MYO1F: variants seen among roughly 807,000 people sequenced by gnomAD.
The protein encoded by MYO1F is unconventional myosin-If.
In MYO1F, 60 loss-of-function variants were observed where a neutral mutation model predicts 146.6. That is an observed-to-expected ratio of 0.41 (90% confidence interval 0.33 to 0.51). The LOEUF is 0.51. Among genes scored for constraint, MYO1F ranks in the 20% least tolerant of loss-of-function variants. MYO1F has a pLI of 0.25. For synonymous variants in MYO1F, 602 were observed against 602.1 expected (o/e 1.00, Z 0.00); for missense variants, 1,274 against 1,534.3 (o/e 0.83, Z 2.83).
At position 8,553,247 on chromosome 19, in the gene MYO1F, G is replaced by T. The variant is rs765188354; in HGVS notation, c.415-19C>A. The stretch of plus-strand genomic sequence containing the variant: ...TGACGTGCTGGGGCAGAGGCAGGTG[G>T]AGTGGGAAGAAGTCAGACTGAGGCA... On this transcript the variant is annotated intron_variant, in intron 5 of 27. Coordinates refer to ENST00000644032, the MANE Select transcript of MYO1F (RefSeq NM_012335.4). The T allele has an allele frequency of 6.2e-7, 1 of 1,613,894 alleles. No individual in the cohort carries two copies.
intron 1 of MYO1F, among the ~76,000 whole-genome samples, chr19:8,557,652 C>T (rs1568365320): frequency 6.6e-6 from 1 of 152,118 alleles, no homozygotes; most frequent in Non-Finnish European, 1.5e-5. Context: ...CCACCTAGTA[C>T]CCCTCACTTC....
intron 14 of MYO1F, among the ~76,000 whole-genome samples, chr19:8,543,652 T>G: frequency 7.0e-6 from 1 of 142,064 alleles, no homozygotes; most frequent in African/African-American, 2.7e-5. Flanking sequence ...GTGGTGGTGG[T>G]GCTGGTGGTG....
At position 8,530,200 on chromosome 19, in the gene MYO1F, A is replaced by T. The variant is rs1158656532; in HGVS notation, c.2324T>A (p.Phe775Tyr). ...GCCCACCCACTAGTGCCTCACCTTGAAGCGGCGGTCGTACTTGGTGACCGA... is the reference window on the plus strand; with the variant it reads ...GCCCACCCACTAGTGCCTCACCTTGTAGCGGCGGTCGTACTTGGTGACCGA... ...ADSVTKYDRR[F>Y]KPIKRDLILT... Residue 775 changes from phenylalanine to tyrosine, a missense_variant, in exon 21 of 28, where the codon TTC (phenylalanine) becomes TAC (tyrosine). Physicochemically the swap from Phe to Tyr is conservative, Grantham distance 22 (BLOSUM62 3). Transcript: ENST00000644032. This position sits in a 1 kb window ranked among gnomAD's most constrained non-coding sequence, Gnocchi z 5.8. 1 of 1,613,898 alleles carries T rather than the reference A, an allele frequency of 6.2e-7. No individual in the cohort carries two copies. The highest frequency in any genetic ancestry group is 8.5e-7 in the Non-Finnish European group (1 of 1,179,992).
chr19:8,541,286 A>C (rs1972951556), intron 15 of MYO1F, among the ~76,000 whole-genome samples: 1 of 149,492 alleles, frequency 6.7e-6, no homozygotes, highest in African/African-American at 2.5e-5. Flanking sequence ...CCTTCTGGCT[A>C]GGGAGATTCT....
At chr19:8,558,755 G>C (rs772286145) in intron 1 of MYO1F, among the ~76,000 whole-genome samples, 1 of 152,106 alleles carries the variant, frequency 6.6e-6, no homozygotes, top group Admixed American at 6.6e-5. Flanking sequence ...CAGGCCAGGA[G>C]CTCCTGGAGA....
In MYO1F at chr19:8,550,319, G is replaced by A. The variant is rs187824097; in HGVS notation, c.942C>T (p.Ser314=). The A allele has an allele frequency of 7.7e-5, 125 of 1,613,568 alleles. No homozygotes were observed. The East Asian group carries it at 1.5e-3, about 20-fold the overall frequency. ...TGGTCAGCTTCTCCTGCAGTCGCCC[G>A]CTGTCAATGCCCAGCAGGTAGGCGG... is the stretch of plus-strand genomic sequence containing the variant. ...AFPAYLLGID[S]GRLQEKLTSR... is the part of the protein sequence containing the mutation. The change falls in exon 10 of 28, where the codon AGC becomes AGT. Residue 314 remains serine (S), a synonymous_variant. Transcript: ENST00000644032.
At position 8,544,392 on chromosome 19, in the gene MYO1F, G is replaced by A; in HGVS notation, c.1429C>T (p.Gln477Ter). 2 of 1,613,110 alleles carry A rather than the reference G, an allele frequency of 1.2e-6. No homozygotes were observed. Among genetic ancestry groups the A allele is most frequent in the Non-Finnish European group, 1.7e-6 (2 of 1,179,876 alleles). Reference sequence around the variant, plus strand: ...GCCTGCAGCTTCTGCAGCAGTGTCTGGTCTGCTCCCCCGCCCGTGGCGTGC... The same window carrying A: ...GCCTGCAGCTTCTGCAGCAGTGTCTAGTCTGCTCCCCCGCCCGTGGCGTGC... The part of the protein sequence containing the change: ...TMHATGGGAD[Q>*]TLLQKLQAAV... The change falls in exon 14 of 28, where the codon CAG becomes TAG. Residue 477 changes from glutamine (Q) to a stop codon, truncating the protein, a stop_gained. Coordinates refer to ENST00000644032, the MANE Select transcript of MYO1F (RefSeq NM_012335.4). LOFTEE classifies it high-confidence loss of function.
intron 16 of MYO1F, among the ~76,000 whole-genome samples, chr19:8,538,546 T>A (rs1568343288): frequency 6.6e-6 from 1 of 151,554 alleles, no homozygotes; most frequent in Non-Finnish European, 1.5e-5. Context: ...CCTCTGAAAG[T>A]GCTGGGATTA....
Position 8,539,953 on chromosome 19 carries a change from C to A in MYO1F, c.1686G>T (p.Lys562Asn), listed in dbSNP as rs898202144. ...KKGRPSTAGS[K>N]IKKQANDLVA... ...TTGTACACCCCAGGCCCACCTTGATCTTGGAGCCGGCGGTGCTGGGGCGCC... is the reference window on the plus strand; with the variant it reads ...TTGTACACCCCAGGCCCACCTTGATATTGGAGCCGGCGGTGCTGGGGCGCC... Residue 562 changes from lysine (K) to asparagine (N), a missense_variant, in exon 16 of 28, where the codon AAG becomes AAT. Physicochemically the swap from Lys to Asn is moderately conservative, Grantham distance 94. Coordinates refer to ENST00000644032, the MANE Select transcript of MYO1F (RefSeq NM_012335.4). 6.2e-7 allele frequency: 1 copy of A among 1,612,664 alleles called. No homozygotes were observed. Among genetic ancestry groups the A allele is most frequent in the Admixed American group, 1.7e-5 (1 of 59,936 alleles).
rs1324249849 is a variant in MYO1F at position 8,536,524 on chromosome 19, G to A, written c.1873C>T (p.Arg625Cys). Residue 625 changes from arginine (R) to cysteine (C), a missense_variant, in exon 18 of 28, where the codon CGC (arginine) becomes TGC (cysteine). Arg to Cys is a radical substitution (Grantham distance 180). This residue lies in a region of MYO1F where 900 missense variants were observed against 1,155.1 expected (regional missense o/e 0.78). Coordinates refer to ENST00000644032, the MANE Select transcript of MYO1F (RefSeq NM_012335.4). ...CTCTGCAGGAATTTGGCGAACTGGC[G>A]GCGGTAGGCGAAGCCGGCTCTGCGC... is the stretch of plus-strand genomic sequence containing the variant. ...RVRRAGFAYRRQFAKFLQRYA... is the reference protein window; with the variant it reads ...RVRRAGFAYRCQFAKFLQRYA... 3.1e-6 allele frequency: 5 copies of A among 1,613,066 alleles called. No homozygotes were observed. Among genetic ancestry groups the A allele is most frequent in the African/African-American group, 2.7e-5 (2 of 74,624 alleles).
chr19:8,551,055 T>C (rs973465381), intron 8 of MYO1F, among the ~76,000 whole-genome samples: 8 of 136,720 alleles, frequency 5.9e-5, no homozygotes, highest in Non-Finnish European at 1.2e-4. Flanking sequence ...TGGGCTTTGG[T>C]TTCCTATTTT....
intron 25 of MYO1F, among the ~76,000 whole-genome samples, chr19:8,523,649 C>G (rs1477937628): frequency 6.6e-6 from 1 of 152,062 alleles, no homozygotes; most frequent in Non-Finnish European, 1.5e-5. Context: ...CTGTACTTGG[C>G]CTTATTTATT....
intron 19 of MYO1F, among the ~76,000 whole-genome samples, chr19:8,534,470 G>A (rs1370366866): frequency 6.6e-6 from 1 of 151,354 alleles, no homozygotes; most frequent in African/African-American, 2.4e-5. Flanking sequence ...ACCATGCCCG[G>A]CTTATTTTGT....
In MYO1F at chr19:8,544,351, G is replaced by T. The variant is rs756591265; in HGVS notation, c.1470C>A (p.His490Gln). The T allele has an allele frequency of 6.2e-7, 1 of 1,613,134 alleles. No individual in the cohort carries two copies. Among genetic ancestry groups the T allele is most frequent in the South Asian group, 1.1e-5 (1 of 91,082 alleles). Residue 490 changes from histidine to glutamine, a missense_variant, in exon 14 of 28, where the codon CAC becomes CAA. His to Gln is a conservative substitution (Grantham distance 24). Coordinates refer to ENST00000644032, the MANE Select transcript of MYO1F (RefSeq NM_012335.4). The part of the protein sequence containing the change: ...LQKLQAAVGT[H>Q]EHFNSWSAGF... ...CGGCGCTCCAGCTGTTGAAATGCTC[G>T]TGGGTCCCCACAGCCGCCTGCAGCT...
rs200159025 is a variant in MYO1F at position 8,522,772 on chromosome 19, A to T, written c.2912T>A (p.Ile971Asn). 1.9e-6 allele frequency: 3 copies of T among 1,607,714 alleles called. No individual in the cohort carries two copies. Among genetic ancestry groups the T allele is most frequent in the Admixed American group, 3.4e-5 (2 of 59,492 alleles). The change falls in exon 26 of 28, where the codon ATC (isoleucine) becomes AAC (asparagine). Residue 971 changes from isoleucine (I) to asparagine (N), a missense_variant. Physicochemically the swap from Ile to Asn is moderately radical, Grantham distance 149. Coordinates refer to ENST00000644032, the MANE Select transcript of MYO1F (RefSeq NM_012335.4). ...CCTGTGGGTGCCCCCTCCAGACATGATCTCCAGGGGCAGGGGGCCCCCTCT... is the reference window on the plus strand; with the variant it reads ...CCTGTGGGTGCCCCCTCCAGACATGTTCTCCAGGGGCAGGGGGCCCCCTCT... ...SARGGPLPLE[I>N]MSGGGTHRPP...
intron 1 of MYO1F, among the ~76,000 whole-genome samples, chr19:8,565,410 C>T (rs998778999): frequency 3.3e-5 from 5 of 151,824 alleles, no homozygotes; most frequent in Admixed American, 2.6e-4. Context: ...GGTGTGGTGG[C>T]GAGCGCCTGT....
intron 1 of MYO1F, among the ~76,000 whole-genome samples, chr19:8,558,763 A>G (rs1402677048): frequency 1.3e-5 from 2 of 152,096 alleles, no homozygotes; most frequent in Non-Finnish European, 2.9e-5. Context: ...GAGCTCCTGG[A>G]GACAGAGACT....
intron 27 of MYO1F, among the ~76,000 whole-genome samples, 191 bp downstream of exon 27, chr19:8,522,186 C>G (rs1599900991): frequency 6.6e-6 from 1 of 152,216 alleles, no homozygotes; most frequent in African/African-American, 2.4e-5. Context: ...CCACGCCCGG[C>G]TAATTTTTTG....
chr19:8,537,084 G>A, intron 16 of MYO1F, 29 bp from the exon 17 acceptor site: 1 of 1,495,768 alleles, frequency 6.7e-7, no homozygotes, highest in Non-Finnish European at 9.3e-7. Context: ...CGGGTGGGTG[G>A]GGGGCACAGA....
Sources: allele counts gnomAD v4.1 joint callset (sites outside exome capture counted in the v4.1 genomes callset), GRCh38; gene constraint gnomAD v4.1.1; regional missense constraint gnomAD v4.1.1; non-coding constraint Gnocchi (gnomAD v3.1); transcripts MANE v1.5; gene names NCBI Gene and HGNC (gene_info 2026-07-23, HGNC 2026-07-21).